EPG5: variants seen among roughly 807,000 people sequenced by gnomAD.
EPG5 encodes ectopic P granules protein 5 homolog.
A neutral mutation model predicts 302.7 loss-of-function variants in EPG5; 159 were observed. That is an observed-to-expected ratio of 0.53 (90% CI 0.46 to 0.60). EPG5 has a LOEUF of 0.60. Among genes scored for constraint, EPG5 ranks in the 20% least tolerant of loss-of-function variants. EPG5 has a pLI of 0.00. For missense variants in EPG5, 2,896 were observed against 3,092.4 expected (o/e 0.94, Z 1.51); for synonymous variants, 1,158 against 1,136.8 (o/e 1.02, Z -0.37).
chr18:45,961,260 G>C (rs2051142041), intron 1 of EPG5, among the ~76,000 whole-genome samples: 1 of 152,204 alleles, frequency 6.6e-6, no homozygotes, highest in African/African-American at 2.4e-5. Context: ...TAAAGCACAA[G>C]TGGAATCATG....
intron 4 of EPG5, among the ~76,000 whole-genome samples, chr18:45,950,742 A>G (rs1252158774): frequency 6.6e-6 from 1 of 152,222 alleles, no homozygotes; most frequent in Non-Finnish European, 1.5e-5. Flanking sequence ...CAGCACTCAA[A>G]AAGTTTGGAA....
the EPG5 span, among the ~76,000 whole-genome samples, chr18:45,830,691 G>C: frequency 7.2e-6 from 1 of 139,552 alleles, no homozygotes; most frequent in African/African-American, 2.6e-5. Context: ...GTTCAAGCGA[G>C]TCTCCTGCCT....
At chr18:45,821,873 T>G in the EPG5 span, among the ~76,000 whole-genome samples, 424 of 152,284 alleles carry the variant, frequency 2.8e-3, 1 homozygote, top group Non-Finnish European at 5.2e-3. Flanking sequence ...ACGTCACTAA[T>G]CATGAGGGAA....
chr18:45,938,580 G>A (rs1050146493), intron 10 of EPG5, among the ~76,000 whole-genome samples: 4 of 152,022 alleles, frequency 2.6e-5, no homozygotes, highest in African/African-American at 9.6e-5. Context: ...CTTTCTCTAA[G>A]TCTCTAGATT....
At chr18:45,823,036 G>A in the EPG5 span, among the ~76,000 whole-genome samples, 3 of 152,176 alleles carry the variant, frequency 2.0e-5, no homozygotes, top group South Asian at 6.2e-4. Flanking sequence ...GGTAGAGGTT[G>A]CACAGAGAAC....
chr18:45,895,809 C>G (rs2049457889), intron 27 of EPG5, among the ~76,000 whole-genome samples: 1 of 152,160 alleles, frequency 6.6e-6, no homozygotes, highest in Admixed American at 6.5e-5. Flanking sequence ...GCAGGACATA[C>G]TCTCTCCCAA....
chr18:45,837,152 C>G, the EPG5 span: 2 of 1,596,420 alleles, frequency 1.3e-6, no homozygotes, highest in Non-Finnish European at 1.7e-6. Context: ...CCACGAGATC[C>G]CAGGGTTTTT....
chr18:45,833,953 T>G, the EPG5 span, among the ~76,000 whole-genome samples: 1 of 152,134 alleles, frequency 6.6e-6, no homozygotes, highest in Non-Finnish European at 1.5e-5. Flanking sequence ...ACATGACACA[T>G]GACAGAGTAT....
intron 17 of EPG5, 30 bp downstream of exon 17, chr18:45,917,649 T>G (rs2050062709): frequency 6.2e-7 from 1 of 1,612,720 alleles, no homozygotes; most frequent in African/African-American, 1.3e-5. Flanking sequence ...TGTTTAAGAG[T>G]GTCTCCTGCC....
chr18:45,926,771 C>A (rs1465280870), intron 13 of EPG5, among the ~76,000 whole-genome samples: 1 of 150,530 alleles, frequency 6.6e-6, no homozygotes, highest in Non-Finnish European at 1.5e-5. Context: ...GAGATTGAAC[C>A]ACTGCACTCC....
At chr18:45,959,130 G>A (rs1281922614) in intron 1 of EPG5, among the ~76,000 whole-genome samples, 9 of 152,182 alleles carry the variant, frequency 5.9e-5, no homozygotes, top group Non-Finnish European at 4.4e-5. Flanking sequence ...CAGTTCCCCT[G>A]TCTCGATGAA....
the EPG5 span, among the ~76,000 whole-genome samples, chr18:45,810,981 C>T: frequency 6.6e-6 from 1 of 152,132 alleles, no homozygotes; most frequent in Non-Finnish European, 1.5e-5. Context: ...ATAATTAAAA[C>T]TCTCAGCAAT....
intron 17 of EPG5, 190 bp from the exon 18 acceptor site, chr18:45,916,772 C>T: frequency 1.9e-6 from 1 of 514,732 alleles, no homozygotes. Flanking sequence ...TCTATCTACC[C>T]ACAGAGGTAT....
the EPG5 span, chr18:45,840,363 AGGGGCTGG>A: frequency 8.7e-7 from 1 of 1,147,674 alleles, no homozygotes; most frequent in Non-Finnish European, 1.2e-6. Context: ...TACTTTGACC[AGGGGCTGG>A]GCCTTCCTTG....
intron 23 of EPG5, among the ~76,000 whole-genome samples, chr18:45,908,717 A>G (rs1599547749): frequency 1.3e-5 from 2 of 152,330 alleles, no homozygotes; most frequent in African/African-American, 4.8e-5. Context: ...TTGGAAGGCC[A>G]AGGCGGGCGG....
At chr18:45,879,588 C>T (rs1162971147) in intron 32 of EPG5, among the ~76,000 whole-genome samples, 1 of 152,172 alleles carries the variant, frequency 6.6e-6, no homozygotes, top group Admixed American at 6.5e-5. Flanking sequence ...AGGCTGGTCT[C>T]GAATCCCTGA....
At chr18:45,931,367 C>T (rs1371613093) in intron 11 of EPG5, among the ~76,000 whole-genome samples, 5 of 152,160 alleles carry the variant, frequency 3.3e-5, no homozygotes. Context: ...AAATGAAATA[C>T]TAATGAATGT....
In EPG5 at chr18:45,952,482, T is replaced by A; in HGVS notation, c.1170A>T (p.Arg390Ser). 6.2e-7 allele frequency: 1 copy of A among 1,614,176 alleles called. No individual in the cohort carries two copies. The highest frequency in any genetic ancestry group is 8.5e-7 in the Non-Finnish European group (1 of 1,180,028). The change falls in exon 3 of 44, where the codon AGA becomes AGT. Residue 390 changes from arginine to serine, a missense_variant. Coordinates refer to ENST00000282041, the MANE Select transcript of EPG5 (RefSeq NM_020964.3). Reference sequence around the variant, plus strand: ...CATAGATGTAAGACTCCACTTGCAATCTTGAGAGCACAGAAGTATAAGAAT... The same window carrying A: ...CATAGATGTAAGACTCCACTTGCAAACTTGAGAGCACAGAAGTATAAGAAT... ...ALHSYTSVLS[R>S]LQVESYIYAL...
At chr18:45,888,128 C>CA (rs1469677120) in intron 28 of EPG5, among the ~76,000 whole-genome samples, 1 of 151,160 alleles carries the variant, frequency 6.6e-6, no homozygotes, top group East Asian at 2.0e-4. Context: ...GTGGGGGAGA[C>CA]AGAGTCTCAC....
Sources: gnomAD v4.1 joint callset for allele counts (sites outside exome capture counted in the v4.1 genomes callset) on GRCh38, gnomAD v4.1.1 for gene constraint, MANE v1.5 for transcripts, NCBI Gene and HGNC (gene_info 2026-07-23, HGNC 2026-07-21) for gene names.